FCHSD2: variants seen among roughly 807,000 people sequenced by gnomAD.
FCHSD2 encodes F-BAR and double SH3 domains protein 2.
FCHSD2 carries 38 observed loss-of-function variants against 108.1 expected under a neutral mutation model. The ratio of observed to expected loss-of-function variants is 0.35; its 90% CI spans 0.27 to 0.46. The LOEUF (loss-of-function observed/expected upper bound fraction) is 0.46, where lower values mean the gene tolerates loss of function less well. Ranked by LOEUF, FCHSD2 falls within the 20% of genes least tolerant of loss-of-function variation. The probability of loss-of-function intolerance (pLI) is 1.00; values close to 1 mark genes in which losing one functional copy is unlikely to be tolerated. For missense variants in FCHSD2, 751 were observed against 897.8 expected, an observed-to-expected ratio of 0.84 and a Z score of 2.09; for synonymous variants, 279 against 314.7, an observed-to-expected ratio of 0.89 and a Z score of 1.20.
At chr11:73,040,320 A>G (rs1204695716) in intron 3 of FCHSD2, among the ~76,000 whole-genome samples, 1 of 152,140 alleles carries the variant, frequency 6.6e-6, no homozygotes, top group African/African-American at 2.4e-5. Context: ...AAACAAAAAG[A>G]GGGGTGTTTT....
chr11:73,025,940 A>G (rs1378122554), intron 3 of FCHSD2, among the ~76,000 whole-genome samples: 1 of 152,160 alleles, frequency 6.6e-6, no homozygotes, highest in Admixed American at 6.5e-5. Flanking sequence ...CGTTTTGACT[A>G]AAAAACACAG....
Position 72,843,447 on chromosome 11 carries a change from A to G in FCHSD2, c.1527+2T>C. 1 of 1,608,250 alleles carries G rather than the reference A, an allele frequency of 6.2e-7. No homozygotes were observed. The highest frequency in any genetic ancestry group is 2.2e-5 in the East Asian group (1 of 44,860). On this transcript the variant is annotated splice_donor_variant, in intron 15 of 19. Coordinates refer to ENST00000409418, the MANE Select transcript of FCHSD2 (RefSeq NM_014824.3). LOFTEE classifies it high-confidence loss of function. ...AAGGGCGATATGAGCAAAGGAATAT[A>G]CCTTTACCCAGTCTTCCATATCTCC...
chr11:73,099,767 G>C (rs1483291544), intron 2 of FCHSD2, among the ~76,000 whole-genome samples: 1 of 152,240 alleles, frequency 6.6e-6, no homozygotes, highest in African/African-American at 2.4e-5. Context: ...GTGGTTTCCA[G>C]AGAGTGACTG....
intron 9 of FCHSD2, among the ~76,000 whole-genome samples, chr11:72,913,457 C>A (rs1855805219): frequency 6.6e-6 from 1 of 152,024 alleles, no homozygotes; most frequent in South Asian, 2.1e-4. Context: ...TTAGTAGAGA[C>A]AGGGTTTCGC....
intron 12 of FCHSD2, among the ~76,000 whole-genome samples, chr11:72,872,837 A>G (rs1247889138): frequency 3.9e-5 from 6 of 152,170 alleles, no homozygotes; most frequent in Non-Finnish European, 2.9e-5. Context: ...TCATGAAGTA[A>G]TGCTAAGTTT....
intron 14 of FCHSD2, among the ~76,000 whole-genome samples, chr11:72,847,581 G>A (rs183941106): frequency 9.9e-5 from 15 of 151,886 alleles, no homozygotes; most frequent in Admixed American, 8.5e-4. Context: ...AGTACTATAT[G>A]AAAGGACATT....
chr11:73,110,138 T>C (rs1860446733), intron 2 of FCHSD2, among the ~76,000 whole-genome samples: 1 of 145,098 alleles, frequency 6.9e-6, no homozygotes, highest in Non-Finnish European at 1.6e-5. Flanking sequence ...AATACTGGTC[T>C]GTAGTTTTCT....
chr11:73,092,441 G>A (rs1348053419), intron 2 of FCHSD2, among the ~76,000 whole-genome samples: 3 of 151,726 alleles, frequency 2.0e-5, no homozygotes, highest in African/African-American at 4.8e-5. Context: ...TACCTGGCCC[G>A]GCATCTTCTA....
chr11:73,141,592 A>G (rs983914674), intron 1 of FCHSD2, among the ~76,000 whole-genome samples: 6 of 152,278 alleles, frequency 3.9e-5, no homozygotes, highest in South Asian at 2.1e-4. Context: ...ATGCGCGCGC[A>G]CACACACAAA....
At chr11:72,992,693 C>T (rs1248976244) in intron 5 of FCHSD2, among the ~76,000 whole-genome samples, 1 of 152,188 alleles carries the variant, frequency 6.6e-6, no homozygotes. Context: ...GCTGGGAATA[C>T]TGGCTAGCCA....
chr11:72,866,816 T>G (rs1036534397), intron 13 of FCHSD2, among the ~76,000 whole-genome samples: 4 of 152,180 alleles, frequency 2.6e-5, no homozygotes, highest in Admixed American at 2.6e-4. Context: ...GTTGAAAAAT[T>G]TTCGTCAGTT....
intron 4 of FCHSD2, among the ~76,000 whole-genome samples, chr11:73,011,920 A>C (rs1169843556): frequency 6.6e-6 from 1 of 152,102 alleles, no homozygotes; most frequent in Non-Finnish European, 1.5e-5. Flanking sequence ...GGTTCTTCTT[A>C]GTGGAGGAGG....
intron 2 of FCHSD2, among the ~76,000 whole-genome samples, chr11:73,119,300 C>G (rs548610416): frequency 6.9e-6 from 1 of 144,164 alleles, no homozygotes; most frequent in African/African-American, 2.6e-5. Flanking sequence ...GAGACTCTGC[C>G]TCAAAAAAAA....
intron 8 of FCHSD2, among the ~76,000 whole-genome samples, chr11:72,976,565 C>A (rs916545320): frequency 1.3e-5 from 2 of 152,212 alleles, no homozygotes; most frequent in Non-Finnish European, 2.9e-5. Flanking sequence ...CAGGTGTAAG[C>A]CACTGTGCCA....
At chr11:73,074,951 G>A (rs968312215) in intron 3 of FCHSD2, among the ~76,000 whole-genome samples, 4 of 152,012 alleles carry the variant, frequency 2.6e-5, no homozygotes, top group African/African-American at 9.7e-5. Flanking sequence ...AGGGAGGCAG[G>A]GAAAGAAAGA....
chr11:73,077,153 A>C (rs1333105326), intron 3 of FCHSD2, among the ~76,000 whole-genome samples: 1 of 151,544 alleles, frequency 6.6e-6, no homozygotes, highest in African/African-American at 2.4e-5. Context: ...TGTTACGCTC[A>C]TTCGTTCTAC....
In FCHSD2 at chr11:72,921,726, T is replaced by C. The variant is rs139877831; in HGVS notation, c.828+102A>G. The C allele has an allele frequency of 4.7e-4, 419 of 889,574 alleles. 3 individuals are homozygous for C. Among genetic ancestry groups the C allele is most frequent in the Middle Eastern group, 2.7e-3 (12 of 4,470 alleles). 55.1% of individuals were successfully genotyped at this position (889,574 alleles called of 1,614,324 possible). A position where few individuals can be genotyped will look rare whatever the true frequency, so the allele number is the denominator to read the frequency against. ...TGTTACCAGGAAATTTGTTCGTTAA[T>C]GCATTCTTCTAATATCACTAGTACC... On this transcript the variant is annotated intron_variant, in intron 9 of 19. Coordinates refer to ENST00000409418, the MANE Select transcript of FCHSD2 (RefSeq NM_014824.3).
rs986711418 is a variant in FCHSD2 at position 73,013,326 on chromosome 11, T to C, written c.242+2483A>G. ...CCAAACTGTCTGCCTGGAAAACTCC[T>C]GCACATTCTTTAAGACCTGGCTCTA... On this transcript the variant is annotated intron_variant, in intron 4 of 19. Transcript: ENST00000409418. Among the ~76,000 whole-genome samples, 6 of 152,352 alleles carry C rather than the reference T, an allele frequency of 3.9e-5. No individual in the cohort carries two copies. The East Asian group carries it at 5.8e-4, about 15-fold the overall frequency.
chr11:72,844,948 G>C (rs1861078896), intron 14 of FCHSD2, among the ~76,000 whole-genome samples: 1 of 152,114 alleles, frequency 6.6e-6, no homozygotes, highest in South Asian at 2.1e-4. Context: ...TTTTCCAATG[G>C]AATTCCTTCA....
Sources: gnomAD v4.1 joint callset for allele counts (sites outside exome capture counted in the v4.1 genomes callset) on GRCh38, gnomAD v4.1.1 for gene constraint, MANE v1.5 for transcripts, NCBI Gene and HGNC (gene_info 2026-07-23, HGNC 2026-07-21) for gene names.